NYAP2: variants seen among roughly 807,000 people sequenced by gnomAD.
NYAP2 encodes neuronal tyrosine-phosphorylated phosphoinositide-3-kinase adapter 2.
In NYAP2, 23 loss-of-function variants were observed where a neutral mutation model predicts 50.4. The observed-to-expected ratio is 0.46, with a 90% CI of 0.33 to 0.65. The LOEUF is 0.65. Among genes scored for constraint, NYAP2 ranks in the 30% least tolerant of loss-of-function variants. NYAP2 has a pLI of 0.02. For synonymous variants in NYAP2, 394 were observed against 365.2 expected (o/e 1.08, Z -0.90); for missense variants, 885 against 861.0 (o/e 1.03, Z -0.35).
At chr2:225,499,111 G>A (rs764650594) in intron 3 of NYAP2, among the ~76,000 whole-genome samples, 14 of 152,044 alleles carry the variant, frequency 9.2e-5, no homozygotes, top group Non-Finnish European at 1.8e-4. Context: ...AAGCATGAGG[G>A]GCAATAAGAG....
chr2:225,627,224 T>G, intron 6 of NYAP2, 98 bp downstream of exon 6: 15 of 912,872 alleles, frequency 1.6e-5, no homozygotes, highest in Non-Finnish European at 2.4e-5. Context: ...CAGATATCTC[T>G]GTCTGCACAC....
chr2:225,578,377 G>C (rs562904448), intron 4 of NYAP2, among the ~76,000 whole-genome samples: 3 of 152,184 alleles, frequency 2.0e-5, no homozygotes, highest in Non-Finnish European at 4.4e-5. Flanking sequence ...GATAAAGAGG[G>C]ATTCCCTGGG....
chr2:225,450,594 A>T (rs932043137), intron 3 of NYAP2, among the ~76,000 whole-genome samples: 1 of 152,226 alleles, frequency 6.6e-6, no homozygotes, highest in Non-Finnish European at 1.5e-5. Context: ...GCACTTCTTA[A>T]AAATTATGTG....
intron 4 of NYAP2, among the ~76,000 whole-genome samples, chr2:225,536,504 C>T (rs1381931592): frequency 7.1e-6 from 1 of 141,742 alleles, no homozygotes; most frequent in Non-Finnish European, 1.5e-5. Flanking sequence ...GCTCTATATT[C>T]TTTTTATTGC....
intron 4 of NYAP2, among the ~76,000 whole-genome samples, chr2:225,548,478 C>T (rs548102584): frequency 6.6e-6 from 1 of 151,914 alleles, no homozygotes; most frequent in Admixed American, 6.6e-5. Context: ...ATGTACCCCA[C>T]TATCCTATTA....
intron 3 of NYAP2, among the ~76,000 whole-genome samples, chr2:225,469,575 C>T (rs1253789831): frequency 6.6e-6 from 1 of 152,084 alleles, no homozygotes; most frequent in African/African-American, 2.4e-5. Context: ...GCACTATTCA[C>T]AATAGCAAAG....
chr2:225,680,163 C>T, the NYAP2 span, among the ~76,000 whole-genome samples: 1 of 152,166 alleles, frequency 6.6e-6, no homozygotes, highest in Non-Finnish European at 1.5e-5. Flanking sequence ...TGCTCCAAGG[C>T]ATCAAGTCAA....
intron 5 of NYAP2, among the ~76,000 whole-genome samples, chr2:225,605,649 T>C (rs982026320): frequency 6.6e-6 from 1 of 152,090 alleles, no homozygotes; most frequent in Non-Finnish European, 1.5e-5. Flanking sequence ...AGTTGGGGAA[T>C]AATCATAATG....
exon 5 of NYAP2, chr2:225,581,978 CAAG>C: frequency 6.2e-7 from 1 of 1,611,938 alleles, no homozygotes; most frequent in South Asian, 1.1e-5. Flanking sequence ...ATGAATATTC[CAAG>C]AAGATTCCTC....
intron 3 of NYAP2, among the ~76,000 whole-genome samples, 186 bp downstream of exon 3, chr2:225,409,287 G>A (rs1694993298): frequency 1.3e-5 from 2 of 151,930 alleles, no homozygotes; most frequent in African/African-American, 4.8e-5. Context: ...AGCATCCTTA[G>A]TTAACAAAAG....
In NYAP2 at chr2:225,448,058, G is replaced by C. The variant is rs533807028; in HGVS notation, c.221+38957G>C. Among the ~76,000 whole-genome samples the C allele has an allele frequency of 2.0e-5, 3 of 152,356 alleles. 1 individual carries two copies. Among genetic ancestry groups the C allele is most frequent in the African/African-American group, 7.2e-5 (3 of 41,588 alleles). Reference sequence around the variant, plus strand: ...AAGCTGTCCCGGTTTGTTGCCACCTGAGATGGGCCTTCTCAGCTCTGCTGG... The same window carrying C: ...AAGCTGTCCCGGTTTGTTGCCACCTCAGATGGGCCTTCTCAGCTCTGCTGG... On this transcript the variant is annotated intron_variant, in intron 3 of 6. Transcript: ENST00000636099.
At chr2:225,434,651 C>A (rs1328721599) in intron 3 of NYAP2, among the ~76,000 whole-genome samples, 2 of 152,152 alleles carry the variant, frequency 1.3e-5, no homozygotes, top group Non-Finnish European at 1.5e-5. Flanking sequence ...TCTCTGTGAA[C>A]TTTCTCCTCT....
the NYAP2 span, among the ~76,000 whole-genome samples, chr2:225,671,452 C>T: frequency 6.6e-6 from 1 of 152,262 alleles, no homozygotes; most frequent in South Asian, 2.1e-4. Flanking sequence ...AATTCAGTTA[C>T]TTCTTCAAGC....
chr2:225,488,780 A>G (rs1348640299), intron 3 of NYAP2, among the ~76,000 whole-genome samples: 1 of 152,092 alleles, frequency 6.6e-6, no homozygotes, highest in Non-Finnish European at 1.5e-5. Flanking sequence ...TCTAAGAGAC[A>G]CTCTTTTGGG....
chr2:225,441,297 T>C (rs1468099104), intron 3 of NYAP2, among the ~76,000 whole-genome samples: 1 of 152,192 alleles, frequency 6.6e-6, no homozygotes, highest in Non-Finnish European at 1.5e-5. Flanking sequence ...ATAGCTGTCT[T>C]TAATATGATA....
At chr2:225,453,128 C>CTTACCAATG (rs1351217601) in intron 3 of NYAP2, among the ~76,000 whole-genome samples, 1 of 152,142 alleles carries the variant, frequency 6.6e-6, no homozygotes, top group Non-Finnish European at 1.5e-5. Context: ...AGATTAAAAT[C>CTTACCAATG]TTACCAATGA....
chr2:225,464,571 C>G (rs1298236990), intron 3 of NYAP2, among the ~76,000 whole-genome samples: 1 of 152,190 alleles, frequency 6.6e-6, no homozygotes, highest in Non-Finnish European at 1.5e-5. Context: ...CTGCTCACTT[C>G]CCGGCCATTG....
At chr2:225,498,951 C>T (rs573974683) in intron 3 of NYAP2, among the ~76,000 whole-genome samples, 1 of 151,828 alleles carries the variant, frequency 6.6e-6, no homozygotes, top group African/African-American at 2.4e-5. Context: ...GTTGAGAGGG[C>T]GAATAGATGT....
rs752805431 is a variant in NYAP2, at chr2:225,446,129, C to T, written c.221+37028C>T. Among the ~76,000 whole-genome samples the T allele has an allele frequency of 1.2e-3, 181 of 151,070 alleles. 1 individual carries two copies. The highest frequency in any genetic ancestry group is 6.9e-3 in the Middle Eastern group (2 of 290). ...CCGGGAGGCGGAGGTTGCAGTGAGC[C>T]CAGATTGCACCACTGCACTCCAGCC... is the stretch of plus-strand genomic sequence containing the variant. On this transcript the variant is annotated intron_variant, in intron 3 of 6. Coordinates refer to ENST00000636099, the Ensembl canonical transcript of NYAP2.
Sources: allele counts gnomAD v4.1 joint callset (sites outside exome capture counted in the v4.1 genomes callset), GRCh38; gene constraint gnomAD v4.1.1; transcripts MANE v1.5; gene names NCBI Gene and HGNC (gene_info 2026-07-23, HGNC 2026-07-21).